The following ENTREP2 variants were observed in gnomAD, a reference collection of about 807,000 sequenced individuals.
ENTREP2 encodes protein ENTREP2.
chr15:29,533,236 A>G, the ENTREP2 span, among the ~76,000 whole-genome samples: 2 of 152,118 alleles, frequency 1.3e-5, no homozygotes, highest in South Asian at 4.1e-4. Flanking sequence ...ATGTCTATCC[A>G]CTCCAAAAGC....
At chr15:29,657,383 G>C in the ENTREP2 span, among the ~76,000 whole-genome samples, 1 of 146,764 alleles carries the variant, frequency 6.8e-6, no homozygotes, top group Non-Finnish European at 1.5e-5. Context: ...AAATGGCACG[G>C]ACCCAAAAAG....
the ENTREP2 span, among the ~76,000 whole-genome samples, chr15:29,229,587 A>G: frequency 1.3e-5 from 2 of 152,188 alleles, no homozygotes; most frequent in East Asian, 3.8e-4. Context: ...GCCAAATGTG[A>G]AAAAGGATTT....
chr15:29,212,671 T>A, the ENTREP2 span, among the ~76,000 whole-genome samples: 1 of 152,222 alleles, frequency 6.6e-6, no homozygotes, highest in African/African-American at 2.4e-5. Flanking sequence ...TCCCAGAGGT[T>A]TTGACAGTTT....
the ENTREP2 span, among the ~76,000 whole-genome samples, chr15:29,273,333 G>A: frequency 8.6e-5 from 13 of 151,632 alleles, no homozygotes; most frequent in Non-Finnish European, 1.5e-4. Context: ...CGAGTAGCTA[G>A]GATTACAGGT....
chr15:29,345,349 G>A, the ENTREP2 span, among the ~76,000 whole-genome samples: 2 of 152,138 alleles, frequency 1.3e-5, no homozygotes, highest in Non-Finnish European at 2.9e-5. Context: ...GCTCAGCCGA[G>A]TGGGGCTAGC....
the ENTREP2 span, among the ~76,000 whole-genome samples, chr15:29,581,710 G>GTT: frequency 4.7e-5 from 7 of 149,138 alleles, no homozygotes; most frequent in Non-Finnish European, 1.0e-4. Flanking sequence ...CAGCAAGTTG[G>GTT]TTTTTTTTTT....
At chr15:29,383,741 C>G in the ENTREP2 span, among the ~76,000 whole-genome samples, 1 of 152,152 alleles carries the variant, frequency 6.6e-6, no homozygotes, top group African/African-American at 2.4e-5. Flanking sequence ...CATCCTGCAC[C>G]ATGCTAGTCT....
At chr15:29,301,251 T>C in the ENTREP2 span, among the ~76,000 whole-genome samples, 4 of 152,238 alleles carry the variant, frequency 2.6e-5, no homozygotes, top group Non-Finnish European at 4.4e-5. Context: ...GGTAATTTTA[T>C]TTAACAGAAT....
At chr15:29,151,586 T>C in the ENTREP2 span, 1 of 627,512 alleles carries the variant, frequency 1.6e-6, no homozygotes, top group African/African-American at 1.8e-5. Flanking sequence ...TGCAGATGCT[T>C]GGTCTTCCAG....
At chr15:29,233,987 G>C in the ENTREP2 span, 4 of 1,498,494 alleles carry the variant, frequency 2.7e-6, no homozygotes, top group Non-Finnish European at 2.8e-6. Context: ...TGGGACCATA[G>C]GAAGAGTTGA....
the ENTREP2 span, among the ~76,000 whole-genome samples, chr15:29,310,875 C>T: frequency 6.6e-6 from 1 of 152,106 alleles, no homozygotes; most frequent in South Asian, 2.1e-4. Flanking sequence ...AGAGACAGAA[C>T]TAAGGAAACC....
chr15:29,460,062 C>A, the ENTREP2 span, among the ~76,000 whole-genome samples: 1 of 152,076 alleles, frequency 6.6e-6, no homozygotes, highest in East Asian at 1.9e-4. Flanking sequence ...GCCTGGGCAA[C>A]ACAGCAAGAC....
the ENTREP2 span, among the ~76,000 whole-genome samples, chr15:29,140,931 C>A: frequency 6.6e-6 from 1 of 152,174 alleles, no homozygotes; most frequent in African/African-American, 2.4e-5. Flanking sequence ...GCTCATGCAC[C>A]CGATGTGGGC....
chr15:29,206,429 G>A, the ENTREP2 span, among the ~76,000 whole-genome samples: 171 of 152,206 alleles, frequency 1.1e-3, 1 homozygote, highest in African/African-American at 3.7e-3. Flanking sequence ...AAACCCTTAT[G>A]CTGGTGATGC....
At chr15:29,573,333 A>C in the ENTREP2 span, among the ~76,000 whole-genome samples, 4 of 152,318 alleles carry the variant, frequency 2.6e-5, no homozygotes, top group South Asian at 8.3e-4. Flanking sequence ...TTTTGTTGAT[A>C]AAATGAAAAC....
At chr15:29,625,648 G>A in the ENTREP2 span, among the ~76,000 whole-genome samples, 2 of 152,066 alleles carry the variant, frequency 1.3e-5, no homozygotes, top group South Asian at 4.2e-4. Flanking sequence ...ACCCACCTCA[G>A]CCTCCCAAAG....
At chr15:29,651,810 G>A in the ENTREP2 span, among the ~76,000 whole-genome samples, 4 of 152,264 alleles carry the variant, frequency 2.6e-5, no homozygotes, top group African/African-American at 7.2e-5. Flanking sequence ...CCAAGGAGGG[G>A]CTGAGGGCAG....
chr15:29,331,276 G>C, the ENTREP2 span, among the ~76,000 whole-genome samples: 1 of 152,194 alleles, frequency 6.6e-6, no homozygotes, highest in Admixed American at 6.5e-5. Context: ...CTGGACAGCA[G>C]GCCCGCCGGG....
At chr15:29,429,077 G>C in the ENTREP2 span, among the ~76,000 whole-genome samples, 3 of 152,156 alleles carry the variant, frequency 2.0e-5, no homozygotes, top group Non-Finnish European at 4.4e-5. Context: ...CTGCCTATCT[G>C]TCTATCCATC....
Sources: gnomAD v4.1 joint callset for allele counts (sites outside exome capture counted in the v4.1 genomes callset) on GRCh38, gnomAD v4.1.1 for gene constraint, MANE v1.5 for transcripts, NCBI Gene and HGNC (gene_info 2026-07-23, HGNC 2026-07-21) for gene names.